Variants in TBC1D20 observed in about 807,000 individuals in gnomAD.
TBC1D20 encodes the protein TBC1 domain family member 20.
A neutral mutation model predicts 41.6 loss-of-function variants in TBC1D20; 12 were observed. The ratio of observed to expected loss-of-function variants is 0.29; its 90% CI spans 0.18 to 0.47. TBC1D20 has a LOEUF of 0.47. Ranked by LOEUF, TBC1D20 falls within the 20% of genes least tolerant of loss-of-function variation. The probability of loss-of-function intolerance (pLI) is 1.00; values close to 1 mark genes in which losing one functional copy is unlikely to be tolerated. For synonymous variants in TBC1D20, 205 were observed against 204.8 expected, an observed-to-expected ratio of 1.00 and a Z score of -0.01; for missense variants, 421 against 517.4, an observed-to-expected ratio of 0.81 and a Z score of 1.81.
chr20:442,985 A>G (rs1038957240), intron 3 of TBC1D20, among the ~76,000 whole-genome samples: 5 of 152,174 alleles, frequency 3.3e-5, no homozygotes, highest in African/African-American at 1.2e-4. Context: ...CTGTAGTCCC[A>G]GCTACTTGGG....
intron 4 of TBC1D20, 52 bp downstream of exon 4, chr20:441,805 C>T (rs2017235333): frequency 6.2e-7 from 1 of 1,600,172 alleles, no homozygotes. Context: ...GAGTTATCCC[C>T]AGGACGGCTG....
At chr20:440,548 A>G (rs1052114754) in intron 5 of TBC1D20, 159 bp from the exon 6 acceptor site, 2 of 946,270 alleles carry the variant, frequency 2.1e-6, no homozygotes, top group African/African-American at 3.3e-5. Context: ...AATATTTAAT[A>G]CAAAGTCTTT....
intron 1 of TBC1D20, among the ~76,000 whole-genome samples, chr20:456,190 A>T (rs945255210): frequency 6.6e-6 from 1 of 152,040 alleles, no homozygotes; most frequent in African/African-American, 2.4e-5. Flanking sequence ...GGTTGTAGTG[A>T]GGCATGATTG....
At chr20:442,450 A>G (rs1161093468) in intron 3 of TBC1D20, among the ~76,000 whole-genome samples, 2 of 152,258 alleles carry the variant, frequency 1.3e-5, no homozygotes, top group Non-Finnish European at 2.9e-5. Context: ...CCAAAGGAAG[A>G]GAAATTTAAC....
intron 1 of TBC1D20, among the ~76,000 whole-genome samples, chr20:454,076 T>TA (rs1171085932): frequency 2.2e-5 from 3 of 136,118 alleles, no homozygotes; most frequent in Admixed American, 6.9e-5. Context: ...CTGTCTTTAC[T>TA]AAAAAAATAC....
At chr20:438,997 G>A in intron 7 of TBC1D20, 111 bp downstream of exon 7, 1 of 1,474,940 alleles carries the variant, frequency 6.8e-7, no homozygotes, top group Non-Finnish European at 9.2e-7. Flanking sequence ...ACTGGCCTAA[G>A]CTCAGATCTC....
At chr20:448,874 C>T (rs1282518039) in intron 1 of TBC1D20, among the ~76,000 whole-genome samples, 14 of 134,794 alleles carry the variant, frequency 1.0e-4, no homozygotes, top group Non-Finnish European at 1.7e-4. Flanking sequence ...GACGGAGTCT[C>T]GGTCTGTAGC....
chr20:436,337 C>T lies in TBC1D20; in HGVS notation c.*2249G>A, dbSNP rs1230254430. 1.3e-5 allele frequency: 2 copies of T among 152,264 alleles called. No homozygotes were observed. Among genetic ancestry groups the T allele is most frequent in the Non-Finnish European group, 2.9e-5 (2 of 68,042 alleles). 9.4% of individuals were successfully genotyped at this position (152,264 alleles called of 1,614,324 possible). On this transcript the variant is annotated 3_prime_UTR_variant, in exon 8 of 8. Coordinates refer to ENST00000354200, the MANE Select transcript of TBC1D20 (RefSeq NM_144628.4). ...TACAGGGCTCTGTACAAAATATTTA[C>T]ACATATTCTTTACAGAATAAGTAAA... is the stretch of plus-strand genomic sequence containing the variant.
intron 3 of TBC1D20, 128 bp downstream of exon 3, chr20:444,922 G>A (rs2122394092): frequency 1.3e-6 from 1 of 740,924 alleles, no homozygotes; most frequent in East Asian, 2.8e-5. Context: ...GTCAAGAAAA[G>A]GATGACTCAG....
At chr20:461,670 A>G (rs951731058) in intron 1 of TBC1D20, among the ~76,000 whole-genome samples, 1 of 152,202 alleles carries the variant, frequency 6.6e-6, no homozygotes, top group East Asian at 1.9e-4. Flanking sequence ...CCGCTTTTAC[A>G]CAATTGAATA....
chr20:446,777 C>T (rs889043828), intron 2 of TBC1D20, among the ~76,000 whole-genome samples: 6 of 151,396 alleles, frequency 4.0e-5, no homozygotes, highest in South Asian at 2.1e-4. Context: ...AGACTACAGC[C>T]GTGCACCACC....
chr20:442,808 C>T (rs1029685645), intron 3 of TBC1D20, among the ~76,000 whole-genome samples: 5 of 152,160 alleles, frequency 3.3e-5, no homozygotes, highest in Admixed American at 6.6e-5. Context: ...GCTAAAAAAG[C>T]AAATGTAGGC....
At chr20:462,192 T>C in intron 1 of TBC1D20, 144 bp downstream of exon 1, 1 of 253,900 alleles carries the variant, frequency 3.9e-6, no homozygotes, top group Non-Finnish European at 6.1e-6. Flanking sequence ...CCCTGGGCCC[T>C]CAGCCTGTTC....
chr20:461,521 GACTA>G (rs1321291018), intron 1 of TBC1D20, among the ~76,000 whole-genome samples: 1 of 151,200 alleles, frequency 6.6e-6, no homozygotes, highest in Non-Finnish European at 1.5e-5. Context: ...CTCCACACCC[GACTA>G]ACTTTTAAAA....
rs553816000 is a variant in TBC1D20, at chr20:437,768, T to A, written c.*818A>T. ...AGAAGCTCATCCTTCTGATGAGAACTATTTTTTTTTCCGTGAAGGAACTAT... is the reference window on the plus strand; with the variant it reads ...AGAAGCTCATCCTTCTGATGAGAACAATTTTTTTTTCCGTGAAGGAACTAT... On this transcript the variant is annotated 3_prime_UTR_variant, in exon 8 of 8. Coordinates refer to ENST00000354200, the MANE Select transcript of TBC1D20 (RefSeq NM_144628.4). 27 of 153,722 alleles carry A rather than the reference T, an allele frequency of 1.8e-4. No individual in the cohort carries two copies. The highest frequency in any genetic ancestry group is 3.4e-4 in the Non-Finnish European group (23 of 68,036). The allele number at this position is 153,722 out of a possible 1,614,324, so 9.5% of individuals were successfully genotyped here.
Position 438,366 on chromosome 20 carries a change from G to A in TBC1D20, c.*220C>T. ...GCCCATCCAAAAGCCCACTGGGAGA[G>A]GCATAAGATTCTGTGCCAGGCCCCC... On this transcript the variant is annotated 3_prime_UTR_variant, in exon 8 of 8. Coordinates refer to ENST00000354200, the MANE Select transcript of TBC1D20 (RefSeq NM_144628.4). 4 of 566,976 alleles carry A rather than the reference G, an allele frequency of 7.1e-6. No homozygotes were observed. The highest frequency in any genetic ancestry group is 2.9e-5 in the East Asian group (1 of 34,274). 35.1% of individuals were successfully genotyped at this position (566,976 alleles called of 1,614,324 possible). A position where few individuals can be genotyped will look rare whatever the true frequency, so the allele number is the denominator to read the frequency against.
At position 438,179 on chromosome 20, in the gene TBC1D20, A is replaced by T; in HGVS notation, c.*407T>A. ...CCCTCCTTCTGTGTCCATCTGATGC[A>T]GGCAAGCAGGAGCAGTAAGAGGGCA... On this transcript the variant is annotated 3_prime_UTR_variant, in exon 8 of 8. Transcript: ENST00000354200. The T allele has an allele frequency of 5.7e-6, 1 of 174,514 alleles. No homozygotes were observed. The highest frequency in any genetic ancestry group is 1.2e-5 in the Non-Finnish European group (1 of 80,214). The allele number at this position is 174,514 out of a possible 1,614,324, so 10.8% of individuals were successfully genotyped here.
At chr20:441,831 C>T (rs1390673411) in intron 4 of TBC1D20, 26 bp downstream of exon 4, 4 of 1,606,670 alleles carry the variant, frequency 2.5e-6, no homozygotes, top group African/African-American at 1.3e-5. Flanking sequence ...TGATGCCCGT[C>T]GTCTTGTGTT....
At chr20:442,929 C>G (rs1453250856) in intron 3 of TBC1D20, among the ~76,000 whole-genome samples, 1 of 152,054 alleles carries the variant, frequency 6.6e-6, no homozygotes, top group African/African-American at 2.4e-5. Context: ...AAAACCCCGT[C>G]TCTAATAAAA....
Sources: allele counts gnomAD v4.1 joint callset (sites outside exome capture counted in the v4.1 genomes callset), GRCh38; gene constraint gnomAD v4.1.1; transcripts MANE v1.5; gene names NCBI Gene and HGNC (gene_info 2026-07-23, HGNC 2026-07-21).